The following TRIM42 variants were observed in gnomAD, a reference collection of about 807,000 sequenced individuals.
TRIM42 encodes the protein tripartite motif-containing protein 42.
A neutral mutation model predicts 64.9 loss-of-function variants in TRIM42; 59 were observed. That is an observed-to-expected ratio of 0.91 (90% CI 0.74 to 1.13). The LOEUF is 1.13. Ranked by LOEUF, TRIM42 falls within the 50% of genes most tolerant of loss-of-function variation. The probability of loss-of-function intolerance (pLI) is 0.00; values close to 1 mark genes in which losing one functional copy is unlikely to be tolerated. For missense variants in TRIM42, 878 were observed against 929.5 expected, an observed-to-expected ratio of 0.94 and a Z score of 0.72; for synonymous variants, 354 against 346.3, an observed-to-expected ratio of 1.02 and a Z score of -0.25.
At chr3:140,700,819 T>C in intron 4 of TRIM42, 69 bp from the exon 5 acceptor site, 1 of 1,429,478 alleles carries the variant, frequency 7.0e-7, no homozygotes, top group Non-Finnish European at 9.8e-7. Context: ...GTGTCTGACA[T>C]GCAGAAGGGC....
chr3:140,697,623 C>A (rs1988884656), intron 4 of TRIM42, among the ~76,000 whole-genome samples: 1 of 152,118 alleles, frequency 6.6e-6, no homozygotes, highest in Non-Finnish European at 1.5e-5. Context: ...CAAGAAATAT[C>A]TATTATTCAT....
chr3:140,687,991 A>G lies in TRIM42; in HGVS notation c.1309A>G (p.Thr437Ala), dbSNP rs1171646042. The change falls in exon 3 of 5, where the codon ACT becomes GCT. Residue 437 changes from threonine to alanine, a missense_variant. By Grantham distance (58) the Thr-to-Ala change is moderately conservative. Coordinates refer to ENST00000286349, the MANE Select transcript of TRIM42 (RefSeq NM_152616.5). ...CTACTCCAAGGAAGCCCTGAAGGAG[A>G]CTGGCCAGGTGGCATTCCTGCAGTC... The part of the protein sequence containing the change: ...IAYSKEALKE[T>A]GQVAFLQSAK... The G allele has an allele frequency of 4.3e-6, 7 of 1,614,188 alleles. No homozygotes were observed. The Admixed American group carries it at 1.2e-4, about 27-fold the overall frequency.
chr3:140,690,780 A>C (rs1289712894), intron 3 of TRIM42, among the ~76,000 whole-genome samples, 188 bp from the exon 4 acceptor site: 1 of 151,916 alleles, frequency 6.6e-6, no homozygotes, highest in Non-Finnish European at 1.5e-5. Context: ...CATTACAACC[A>C]TCATGCCAGG....
At chr3:140,681,198 A>G (rs1419966508) in intron 1 of TRIM42, among the ~76,000 whole-genome samples, 1 of 152,196 alleles carries the variant, frequency 6.6e-6, no homozygotes, top group Non-Finnish European at 1.5e-5. Flanking sequence ...AACACACATA[A>G]ATGAAACAGT....
At chr3:140,688,755 A>G (rs1445074889) in intron 3 of TRIM42, among the ~76,000 whole-genome samples, 3 of 152,232 alleles carry the variant, frequency 2.0e-5, no homozygotes, top group African/African-American at 7.2e-5. Context: ...AACAGTCAAT[A>G]TATTTAACTC....
chr3:140,685,246 T>A (rs1184990451), intron 2 of TRIM42, among the ~76,000 whole-genome samples: 2 of 152,162 alleles, frequency 1.3e-5, no homozygotes, highest in African/African-American at 4.8e-5. Context: ...ATTGAGAAAC[T>A]GGGGGACCTA....
chr3:140,698,227 G>A (rs1004131228), intron 4 of TRIM42, among the ~76,000 whole-genome samples: 6 of 152,096 alleles, frequency 3.9e-5, no homozygotes, highest in South Asian at 2.1e-4. Context: ...ACATTTTGGA[G>A]TAACTTGAAT....
intron 4 of TRIM42, among the ~76,000 whole-genome samples, chr3:140,691,977 G>GA (rs10711078): frequency 6.7e-6 from 1 of 149,888 alleles, no homozygotes; most frequent in Non-Finnish European, 1.5e-5. Context: ...AGAAGAAGAA[G>GA]AAAAAAAAAA....
chr3:140,692,590 G>T (rs837659), intron 4 of TRIM42, among the ~76,000 whole-genome samples: 112,402 of 146,178 alleles, frequency 0.77, 44,237 homozygotes, highest in Middle Eastern at 0.9. Flanking sequence ...GAGAGAGAGA[G>T]AGGTCAAACC....
chr3:140,687,505 G>A (rs1988575047), intron 2 of TRIM42, among the ~76,000 whole-genome samples: 1 of 152,188 alleles, frequency 6.6e-6, no homozygotes, highest in African/African-American at 2.4e-5. Context: ...AAATATCCCA[G>A]AGAAGGATCA....
intron 2 of TRIM42, among the ~76,000 whole-genome samples, chr3:140,687,514 C>A (rs1223020156): frequency 6.6e-6 from 1 of 152,136 alleles, no homozygotes; most frequent in Non-Finnish European, 1.5e-5. Context: ...AGAGAAGGAT[C>A]AGAGGGGGAA....
At chr3:140,691,374 G>T (rs992472919) in intron 4 of TRIM42, among the ~76,000 whole-genome samples, 182 bp downstream of exon 4, 2 of 152,192 alleles carry the variant, frequency 1.3e-5, no homozygotes, top group Non-Finnish European at 1.5e-5. Context: ...TGCAGATGTC[G>T]CCTGAGAATT....
chr3:140,678,615 A>T (rs763648018), intron 1 of TRIM42, 45 bp downstream of exon 1: 1 of 1,504,046 alleles, frequency 6.6e-7, no homozygotes, highest in Non-Finnish European at 9.1e-7. Flanking sequence ...GGTCATGAAA[A>T]CTAGGGACCA....
In TRIM42 at chr3:140,682,936, G is replaced by A. The variant is rs1988448951; in HGVS notation, c.816G>A (p.Met272Ile). Residue 272 changes from methionine (M) to isoleucine (I), a missense_variant, in exon 2 of 5, where the codon ATG becomes ATA. Coordinates refer to ENST00000286349, the MANE Select transcript of TRIM42 (RefSeq NM_152616.5). ...CLKAFHSDVA[M>I]QDHVFVDTSA... is the part of the protein sequence containing the mutation. Reference sequence around the variant, plus strand: ...AGGCCTTCCACTCGGATGTGGCCATGCAAGACCACGTCTTTGTGGACACCA... The same window carrying A: ...AGGCCTTCCACTCGGATGTGGCCATACAAGACCACGTCTTTGTGGACACCA... 3 of 1,614,214 alleles carry A rather than the reference G, an allele frequency of 1.9e-6. No homozygotes were observed. The highest frequency in any genetic ancestry group is 1.7e-6 in the Non-Finnish European group (2 of 1,180,050).
rs761982749 is a variant in TRIM42 at position 140,691,172 on chromosome 3, C to A, written c.2065C>A (p.Gln689Lys). 1.9e-6 allele frequency: 3 copies of A among 1,613,992 alleles called. No homozygotes were observed. The highest frequency in any genetic ancestry group is 1.7e-6 in the Non-Finnish European group (2 of 1,179,924). ...AGCCATCAATGATAATGGTCCTGGG[C>A]AATGGAGTGATATCTGCAAGGTATT... ...VRAINDNGPG[Q>K]WSDICKVVTP... is the part of the protein sequence containing the mutation. The change falls in exon 4 of 5, where the codon CAA becomes AAA. Residue 689 changes from glutamine (Q) to lysine (K), a missense_variant. Gln to Lys is a moderately conservative substitution (Grantham distance 53). Coordinates refer to ENST00000286349, the MANE Select transcript of TRIM42 (RefSeq NM_152616.5).
At chr3:140,693,113 G>A (rs1454534751) in intron 4 of TRIM42, among the ~76,000 whole-genome samples, 1 of 152,170 alleles carries the variant, frequency 6.6e-6, no homozygotes, top group African/African-American at 2.4e-5. Context: ...GTATATGAGT[G>A]AAAATGTGAC....
rs778272672 is a variant in TRIM42, at chr3:140,682,478, C to G, written c.358C>G (p.Arg120Gly). The stretch of plus-strand genomic sequence containing the variant: ...TCCTTTCAGCTCCAAGACTGCCCTG[C>G]GCACTGGGAGCAGCGATACCCAGGT... Reference protein sequence around the residue: ...SIHTSSKTALRTGSSDTQVDE... With the variant: ...SIHTSSKTALGTGSSDTQVDE... The change falls in exon 2 of 5, where the codon CGC becomes GGC. Residue 120 changes from arginine to glycine, a missense_variant. Arg to Gly is a moderately radical substitution (Grantham distance 125). Transcript: ENST00000286349. The G allele has an allele frequency of 1.2e-6, 2 of 1,613,658 alleles. No homozygotes were observed. The highest frequency in any genetic ancestry group is 1.7e-6 in the Non-Finnish European group (2 of 1,179,654).
rs767710747 is a variant in TRIM42 at position 140,700,890 on chromosome 3, G to A, written c.2088G>A (p.Val696=). ...GPGQWSDICK[V]VTPDGHGKNR... ...TGACTCTTCGCTTCTGATTGCAGGT[G>A]GTAACACCAGATGGACATGGGAAGA... Residue 696 remains valine, a splice_region_variant and synonymous_variant, in exon 5 of 5, where the codon GTG becomes GTA. Coordinates refer to ENST00000286349, the MANE Select transcript of TRIM42 (RefSeq NM_152616.5). 9 of 1,613,886 alleles carry A rather than the reference G, an allele frequency of 5.6e-6. No individual in the cohort carries two copies. In the Admixed American group the frequency reaches 1.5e-4, roughly 27 times the overall value.
chr3:140,684,780 G>A (rs1037346289), intron 2 of TRIM42, among the ~76,000 whole-genome samples: 1 of 152,194 alleles, frequency 6.6e-6, no homozygotes, highest in African/African-American at 2.4e-5. Flanking sequence ...TTCTGAAGGT[G>A]GGACTCACTG....
Sources: allele counts gnomAD v4.1 joint callset (sites outside exome capture counted in the v4.1 genomes callset), GRCh38; gene constraint gnomAD v4.1.1; transcripts MANE v1.5; gene names NCBI Gene and HGNC (gene_info 2026-07-23, HGNC 2026-07-21).